Variants in WWOX observed in about 807,000 individuals in gnomAD.
WWOX encodes the protein WW domain-containing oxidoreductase.
Under a neutral mutation model 46.2 loss-of-function variants are expected in WWOX, and 69 were observed. The ratio of observed to expected loss-of-function variants is 1.49; its 90% confidence interval spans 1.23 to 1.82. The LOEUF is 1.82. Ranked by LOEUF, WWOX falls within the 40% of genes most tolerant of loss-of-function variation. The pLI, the probability that WWOX is intolerant of heterozygous loss-of-function variation, is 0.00. For synonymous variants in WWOX, 359 were observed against 202.6 expected (o/e 1.77, Z -6.56); for missense variants, 919 against 542.6 (o/e 1.69, Z -6.89).
intron 5 of WWOX, among the ~76,000 whole-genome samples, chr16:78,281,719 T>C (rs1183288554): frequency 6.6e-6 from 1 of 152,160 alleles, no homozygotes; most frequent in Non-Finnish European, 1.5e-5. Context: ...AAAATATTAT[T>C]CTTTCCCCCC....
At chr16:78,832,580 G>T (rs866535365) in intron 8 of WWOX, among the ~76,000 whole-genome samples, 1 of 152,112 alleles carries the variant, frequency 6.6e-6, no homozygotes, top group Non-Finnish European at 1.5e-5. Context: ...TCACTGGTTC[G>T]GCTATTGGCA....
chr16:78,738,431 G>C (rs529509861), intron 8 of WWOX, among the ~76,000 whole-genome samples: 63 of 152,228 alleles, frequency 4.1e-4, no homozygotes, highest in African/African-American at 1.5e-3. Flanking sequence ...GGAAAATCTG[G>C]ATTCAGGTGG....
intron 8 of WWOX, among the ~76,000 whole-genome samples, chr16:79,102,196 C>T (rs954650272): frequency 6.6e-6 from 1 of 152,100 alleles, no homozygotes; most frequent in Non-Finnish European, 1.5e-5. Flanking sequence ...TGTCTCTTCT[C>T]AATCTTTCTG....
intron 8 of WWOX, among the ~76,000 whole-genome samples, chr16:78,945,869 C>T (rs75692576): frequency 1.3e-5 from 2 of 152,084 alleles, no homozygotes; most frequent in African/African-American, 4.8e-5. Context: ...GGATAAGGAG[C>T]CAGTCCTGGC....
chr16:79,011,648 A>G (rs565210935), intron 8 of WWOX, among the ~76,000 whole-genome samples: 2 of 151,648 alleles, frequency 1.3e-5, no homozygotes, highest in South Asian at 4.2e-4. Flanking sequence ...ATGTGCCACC[A>G]TAGCCAGCTA....
chr16:78,685,779 C>T (rs2047841058), intron 8 of WWOX, among the ~76,000 whole-genome samples: 2 of 151,960 alleles, frequency 1.3e-5, no homozygotes, highest in South Asian at 4.2e-4. Flanking sequence ...GTGTGTTTCT[C>T]CCATGTGTGG....
At chr16:78,559,243 G>A (rs2044376134) in intron 8 of WWOX, among the ~76,000 whole-genome samples, 1 of 152,164 alleles carries the variant, frequency 6.6e-6, no homozygotes. Context: ...ACATAATAAG[G>A]GGACCATGCA....
intron 8 of WWOX, among the ~76,000 whole-genome samples, chr16:78,737,522 G>A (rs957670961): frequency 6.6e-6 from 1 of 151,996 alleles, no homozygotes; most frequent in African/African-American, 2.4e-5. Flanking sequence ...CTGAGATTTT[G>A]ATGTACCCAT....
At chr16:79,015,452 A>G (rs1239242113) in intron 8 of WWOX, among the ~76,000 whole-genome samples, 2 of 152,170 alleles carry the variant, frequency 1.3e-5, no homozygotes, top group Admixed American at 6.5e-5. Context: ...TTAAGAGTTA[A>G]CCTGAGTGTC....
intron 8 of WWOX, among the ~76,000 whole-genome samples, chr16:78,617,430 C>G (rs930402081): frequency 6.6e-6 from 1 of 150,580 alleles, no homozygotes; most frequent in Non-Finnish European, 1.5e-5. Context: ...AGTGACCACA[C>G]TGTGGCTTTG....
chr16:79,051,921 A>G (rs1056504045), intron 8 of WWOX, among the ~76,000 whole-genome samples: 2 of 152,222 alleles, frequency 1.3e-5, no homozygotes, highest in Non-Finnish European at 2.9e-5. Flanking sequence ...GCATTAGGTC[A>G]TAGCCTGTTC....
chr16:78,578,276 A>ATTTTTTTTT (rs2044948523), intron 8 of WWOX, among the ~76,000 whole-genome samples: 1 of 32,932 alleles, frequency 3.0e-5, no homozygotes, highest in African/African-American at 1.3e-4. Flanking sequence ...ATATATATAT[A>ATTTTTTTTT]TATATATATT....
intron 8 of WWOX, among the ~76,000 whole-genome samples, chr16:78,553,562 G>A (rs935461778): frequency 1.1e-4 from 17 of 152,068 alleles, no homozygotes; most frequent in African/African-American, 3.9e-4. Context: ...CTAAGAATCC[G>A]CTAGAGCCCT....
intron 8 of WWOX, among the ~76,000 whole-genome samples, chr16:78,680,405 G>C (rs908104627): frequency 6.6e-6 from 1 of 152,000 alleles, no homozygotes; most frequent in Non-Finnish European, 1.5e-5. Context: ...ATGGTGTCAC[G>C]TGCCTGTAGT....
chr16:78,244,068 G>A (rs1366686898), intron 5 of WWOX, among the ~76,000 whole-genome samples: 1 of 152,222 alleles, frequency 6.6e-6, no homozygotes, highest in Admixed American at 6.5e-5. Context: ...GTCCAAGGTG[G>A]CTGGAACACC....
chr16:78,557,759 G>A (rs772697537), intron 8 of WWOX, among the ~76,000 whole-genome samples: 24 of 143,606 alleles, frequency 1.7e-4, no homozygotes, highest in Non-Finnish European at 2.7e-4. Context: ...GCAGTGGCGC[G>A]ATGTCAGCTC....
intron 4 of WWOX, among the ~76,000 whole-genome samples, chr16:78,150,180 A>G (rs1425009010): frequency 6.6e-6 from 1 of 152,182 alleles, no homozygotes; most frequent in African/African-American, 2.4e-5. Flanking sequence ...ATGGCTCATA[A>G]AACTCAGGGA....
At chr16:78,416,386 G>C (rs1395939748) in intron 6 of WWOX, among the ~76,000 whole-genome samples, 2 of 152,178 alleles carry the variant, frequency 1.3e-5, no homozygotes, top group Admixed American at 6.5e-5. Context: ...ACAAAGTCAA[G>C]CACTTTATAG....
chr16:78,907,775 C>G (rs919560956), intron 8 of WWOX, among the ~76,000 whole-genome samples: 6 of 152,142 alleles, frequency 3.9e-5, no homozygotes, highest in African/African-American at 1.4e-4. Context: ...CCCATTTCAA[C>G]AGATCTAGAA....
Sources: gnomAD v4.1 joint callset for allele counts (sites outside exome capture counted in the v4.1 genomes callset) on GRCh38, gnomAD v4.1.1 for gene constraint, MANE v1.5 for transcripts, NCBI Gene and HGNC (gene_info 2026-07-23, HGNC 2026-07-21) for gene names.